GALNTL6: variants seen among roughly 807,000 people sequenced by gnomAD.
GALNTL6 encodes polypeptide N-acetylgalactosaminyltransferase-like 6.
Under a neutral mutation model 73.7 loss-of-function variants are expected in GALNTL6, and 46 were observed. The observed-to-expected ratio is 0.62, with a 90% CI of 0.49 to 0.80. The LOEUF (loss-of-function observed/expected upper bound fraction) is 0.80, where lower values mean the gene tolerates loss of function less well. Among genes scored for constraint, GALNTL6 ranks in the 30% least tolerant of loss-of-function variants. The pLI, the probability that GALNTL6 is intolerant of heterozygous loss-of-function variation, is 0.00. For missense variants in GALNTL6, 604 were observed against 755.0 expected, an observed-to-expected ratio of 0.80 and a Z score of 2.34; for synonymous variants, 259 against 263.7, an observed-to-expected ratio of 0.98 and a Z score of 0.17.
chr4:172,091,695 A>G (rs185680717), intron 2 of GALNTL6, among the ~76,000 whole-genome samples: 38 of 152,316 alleles, frequency 2.5e-4, no homozygotes, highest in Middle Eastern at 6.8e-3. Flanking sequence ...TAAATAGCGT[A>G]TTTCCATGAA....
At chr4:172,353,261 G>A (rs573744461) in intron 5 of GALNTL6, among the ~76,000 whole-genome samples, 6 of 152,194 alleles carry the variant, frequency 3.9e-5, no homozygotes, top group South Asian at 2.1e-4. Context: ...AGCCAAGATC[G>A]TGCCACTGCA....
chr4:172,700,949 GA>G (rs929289812), intron 5 of GALNTL6, among the ~76,000 whole-genome samples: 5 of 151,580 alleles, frequency 3.3e-5, no homozygotes, highest in Non-Finnish European at 5.9e-5. Context: ...CCATAAGAAG[GA>G]AAAAAAAGTG....
intron 5 of GALNTL6, among the ~76,000 whole-genome samples, chr4:172,651,250 G>A (rs1291365697): frequency 6.6e-6 from 1 of 152,118 alleles, no homozygotes; most frequent in African/African-American, 2.4e-5. Flanking sequence ...GCCAACTGTT[G>A]GACTTTGACT....
intron 5 of GALNTL6, among the ~76,000 whole-genome samples, chr4:172,563,912 G>C (rs528462461): frequency 6.6e-6 from 1 of 152,240 alleles, no homozygotes; most frequent in South Asian, 2.1e-4. Context: ...AATGATAAGA[G>C]AGATGATAAA....
chr4:172,030,760 TATATATGTATGTA>T, intron 2 of GALNTL6, among the ~76,000 whole-genome samples: 1 of 151,512 alleles, frequency 6.6e-6, no homozygotes, highest in African/African-American at 2.4e-5. Flanking sequence ...TTTTATATAT[TATATATGTATGTA>T]TATATGCATA....
At position 172,844,085 on chromosome 4, in the gene GALNTL6, T is replaced by TA. The variant is rs543600728; in HGVS notation, c.923+30364dup. Among the ~76,000 whole-genome samples, 55 of 152,112 alleles carry TA rather than the reference T, an allele frequency of 3.6e-4. 1 individual carries two copies. Among genetic ancestry groups the TA allele is most frequent in the African/African-American group, 1.3e-3 (52 of 41,510 alleles). The stretch of plus-strand genomic sequence containing the variant: ...AAAAATAAAAATAAATAAATAAAAA[T>TA]AATGGTTGACAGCTTGAATTGGGAG... On this transcript the variant is annotated intron_variant, in intron 7 of 12. Coordinates refer to ENST00000506823, the MANE Select transcript of GALNTL6 (RefSeq NM_001034845.3).
At chr4:172,051,003 G>A (rs891506402) in intron 2 of GALNTL6, among the ~76,000 whole-genome samples, 1 of 152,142 alleles carries the variant, frequency 6.6e-6, no homozygotes, top group Non-Finnish European at 1.5e-5. Flanking sequence ...TTTGTAACAA[G>A]GCACCTCATA....
chr4:172,528,165 A>T (rs1402045823), intron 5 of GALNTL6, among the ~76,000 whole-genome samples: 2 of 151,308 alleles, frequency 1.3e-5, no homozygotes, highest in African/African-American at 4.8e-5. Context: ...AGAATAAAAC[A>T]TTTTCTGATC....
At chr4:172,432,557 A>G (rs1461523610) in intron 5 of GALNTL6, among the ~76,000 whole-genome samples, 1 of 152,060 alleles carries the variant, frequency 6.6e-6, no homozygotes, top group African/African-American at 2.4e-5. Context: ...AGTCCCAAGG[A>G]TTTACTGCAA....
At chr4:172,062,522 C>T (rs1451971771) in intron 2 of GALNTL6, among the ~76,000 whole-genome samples, 2 of 152,138 alleles carry the variant, frequency 1.3e-5, no homozygotes, top group Admixed American at 6.5e-5. Flanking sequence ...CGTAGAAAGT[C>T]ATATCTCTTA....
chr4:172,422,202 T>A (rs1731075910), intron 5 of GALNTL6, among the ~76,000 whole-genome samples: 3 of 152,228 alleles, frequency 2.0e-5, no homozygotes, highest in Admixed American at 2.0e-4. Flanking sequence ...AATAGTTGTG[T>A]ATATTCTCTG....
At chr4:172,603,504 T>C (rs1297659771) in intron 5 of GALNTL6, among the ~76,000 whole-genome samples, 7 of 152,088 alleles carry the variant, frequency 4.6e-5, no homozygotes, top group Non-Finnish European at 7.4e-5. Flanking sequence ...GTTGTTAAGA[T>C]CTCTGTAATA....
At chr4:171,994,724 T>C (rs78297920) in intron 2 of GALNTL6, among the ~76,000 whole-genome samples, 2,836 of 135,682 alleles carry the variant, frequency 0.021, 93 homozygotes, top group African/African-American at 0.064. Flanking sequence ...CAATACAAAA[T>C]ATGAAAAAAA....
intron 5 of GALNTL6, among the ~76,000 whole-genome samples, chr4:172,672,107 G>T (rs1030619885): frequency 6.6e-6 from 1 of 152,120 alleles, no homozygotes; most frequent in Non-Finnish European, 1.5e-5. Context: ...GCCAGGCTGA[G>T]CTCAAACTCT....
intron 10 of GALNTL6, among the ~76,000 whole-genome samples, chr4:172,986,288 C>T (rs1437584137): frequency 6.6e-6 from 1 of 152,136 alleles, no homozygotes; most frequent in Admixed American, 6.6e-5. Flanking sequence ...TTCACAGGTG[C>T]CTGGGTGGGG....
chr4:171,957,168 A>G (rs1218566301), intron 2 of GALNTL6, among the ~76,000 whole-genome samples: 2 of 152,180 alleles, frequency 1.3e-5, no homozygotes, highest in African/African-American at 4.8e-5. Context: ...ACAAGGTCTA[A>G]CCTCTAATTT....
chr4:172,949,058 G>C (rs1749312476), intron 9 of GALNTL6, among the ~76,000 whole-genome samples: 1 of 152,116 alleles, frequency 6.6e-6, no homozygotes, highest in African/African-American at 2.4e-5. Flanking sequence ...AAAATCCAAA[G>C]CAACAATTTA....
intron 5 of GALNTL6, among the ~76,000 whole-genome samples, chr4:172,394,662 C>A (rs1227066265): frequency 6.6e-6 from 1 of 151,954 alleles, no homozygotes; most frequent in Non-Finnish European, 1.5e-5. Context: ...GAACTCCTGA[C>A]CTCAGGTGAT....
intron 7 of GALNTL6, among the ~76,000 whole-genome samples, chr4:172,858,314 G>A (rs1282117727): frequency 6.6e-6 from 1 of 152,170 alleles, no homozygotes; most frequent in African/African-American, 2.4e-5. Flanking sequence ...TACTCCAGCA[G>A]AAAATCATGC....
Sources: allele counts gnomAD v4.1 joint callset (sites outside exome capture counted in the v4.1 genomes callset), GRCh38; gene constraint gnomAD v4.1.1; transcripts MANE v1.5; gene names NCBI Gene and HGNC (gene_info 2026-07-23, HGNC 2026-07-21).